SYTL5: variants seen among roughly 807,000 people sequenced by gnomAD.
The protein encoded by SYTL5 is synaptotagmin like 5, also known as synaptotagmin-like protein 5.
In SYTL5, 34 loss-of-function variants were observed where a neutral mutation model predicts 55.9. That is an observed-to-expected ratio of 0.61 (90% confidence interval 0.46 to 0.81). SYTL5 has a LOEUF of 0.81. Among genes scored for constraint, SYTL5 ranks in the 30% least tolerant of loss-of-function variants. The probability of loss-of-function intolerance (pLI) is 0.00; values close to 1 mark genes in which losing one functional copy is unlikely to be tolerated. For missense variants in SYTL5, 637 were observed against 546.7 expected, an observed-to-expected ratio of 1.17 and a Z score of -1.65; for synonymous variants, 221 against 188.7, an observed-to-expected ratio of 1.17 and a Z score of -1.40.
intron 1 of SYTL5, among the ~76,000 whole-genome samples, chrX:38,017,552 C>T (rs1212638743): frequency 9.1e-6 from 1 of 110,119 alleles, no homozygotes; most frequent in Non-Finnish European, 1.9e-5. Flanking sequence ...CAGTCTCTTT[C>T]ATCATCTCAT....
At position 38,089,456 on chromosome X, in the gene SYTL5, G is replaced by A. The variant is rs372772017; in HGVS notation, c.700G>A (p.Gly234Ser). ...TGCTTTCTCATTTAGGGGAAGCACT[G>A]GCTCATCAGATCTCAATGACCAGGA... The part of the protein sequence containing the change: ...SPPGSDRGST[G>S]SSDLNDQEPG... The change falls in exon 7 of 17, where the codon GGC (glycine) becomes AGC (serine). Residue 234 changes from glycine to serine, a missense_variant. Physicochemically the swap from Gly to Ser is moderately conservative, Grantham distance 56. Transcript: ENST00000297875. The A allele has an allele frequency of 1.8e-4, 212 of 1,205,630 alleles. No individual in the cohort carries two copies. Among genetic ancestry groups the A allele is most frequent in the Admixed American group, 3.8e-4 (17 of 45,151 alleles).
At chrX:38,079,439 G>C (rs1321803408) in intron 6 of SYTL5, among the ~76,000 whole-genome samples, 1 of 111,851 alleles carries the variant, frequency 8.9e-6, no homozygotes, top group Non-Finnish European at 1.9e-5. Flanking sequence ...GGTTGCTAGG[G>C]ACTTGACACA....
chrX:37,906,818 A>G, the SYTL5 span, among the ~76,000 whole-genome samples: 2 of 112,080 alleles, frequency 1.8e-5, no homozygotes, highest in East Asian at 5.5e-4. Context: ...TCCAAAGCCT[A>G]TTATTCCCTT....
chrX:37,981,484 A>T, the SYTL5 span, among the ~76,000 whole-genome samples: 1 of 110,094 alleles, frequency 9.1e-6, no homozygotes. Flanking sequence ...TTTTGTGGAG[A>T]TGGGGTTTCT....
the SYTL5 span, among the ~76,000 whole-genome samples, chrX:37,998,712 C>T: frequency 3.6e-5 from 4 of 111,896 alleles, no homozygotes; most frequent in East Asian, 1.1e-3. Flanking sequence ...GGACCGAGCA[C>T]AACTCAGACA....
the SYTL5 span, among the ~76,000 whole-genome samples, chrX:37,977,260 T>C: frequency 9.1e-6 from 1 of 110,267 alleles, no homozygotes; most frequent in Non-Finnish European, 1.9e-5. Flanking sequence ...AGAGAAAATA[T>C]CTGCCTAGAG....
Position 38,054,308 on chromosome X carries a change from G to C in SYTL5, c.215G>C (p.Gly72Ala), listed in dbSNP as rs1486276960. 3.3e-6 allele frequency: 4 copies of C among 1,209,059 alleles called. No homozygotes were observed. The highest frequency in any genetic ancestry group is 4.5e-6 in the Non-Finnish European group (4 of 894,902). ...TGTGTTCACTGTCACAGAAACCTGGGCCTAATCTTTGACCGGGGAGACCCT... is the reference window on the plus strand; with the variant it reads ...TGTGTTCACTGTCACAGAAACCTGGCCCTAATCTTTGACCGGGGAGACCCT... ...RVCVHCHRNL[G>A]LIFDRGDPCQ... Residue 72 changes from glycine (G) to alanine (A), a missense_variant, in exon 3 of 17, where the codon GGC (glycine) becomes GCC (alanine). Transcript: ENST00000297875.
chrX:38,051,626 T>C (rs1325676901), intron 2 of SYTL5, among the ~76,000 whole-genome samples: 1 of 111,929 alleles, frequency 8.9e-6, no homozygotes, highest in Non-Finnish European at 1.9e-5. Flanking sequence ...TCCTCTTCTT[T>C]TACTTCTTTT....
intron 15 of SYTL5, among the ~76,000 whole-genome samples, chrX:38,122,455 A>G (rs1373838066): frequency 8.9e-6 from 1 of 112,385 alleles, no homozygotes; most frequent in African/African-American, 3.2e-5. Flanking sequence ...CTTACTCTCA[A>G]GACAGTCAAC....
the SYTL5 span, chrX:37,990,707 C>T: frequency 3.1e-6 from 3 of 952,925 alleles, no homozygotes; most frequent in African/African-American, 2.0e-5. Context: ...GTCACAAAGG[C>T]AGCTAGCTCC....
At chrX:37,986,848 A>G in the SYTL5 span, among the ~76,000 whole-genome samples, 3 of 111,954 alleles carry the variant, frequency 2.7e-5, no homozygotes, top group African/African-American at 9.7e-5. Context: ...TATTACTATT[A>G]TAACTCATAA....
At chrX:37,934,001 G>A in the SYTL5 span, among the ~76,000 whole-genome samples, 1 of 111,433 alleles carries the variant, frequency 9.0e-6, no homozygotes, top group Non-Finnish European at 1.9e-5. Flanking sequence ...AGCTAACAGA[G>A]TAGAGACTCC....
chrX:37,986,584 C>A, the SYTL5 span, among the ~76,000 whole-genome samples: 4 of 111,985 alleles, frequency 3.6e-5, no homozygotes, highest in African/African-American at 1.3e-4. Flanking sequence ...CTTCTTCTTT[C>A]TTTGGAGGCA....
At chrX:38,120,876 G>A (rs1001903725) in intron 14 of SYTL5, among the ~76,000 whole-genome samples, 1 of 110,945 alleles carries the variant, frequency 9.0e-6, no homozygotes, top group African/African-American at 3.3e-5. Flanking sequence ...AAAATCAGAT[G>A]GAATCAATTT....
intron 7 of SYTL5, among the ~76,000 whole-genome samples, chrX:38,090,152 T>A (rs1223379701): frequency 8.9e-6 from 1 of 112,244 alleles, no homozygotes. Flanking sequence ...AATTGCTATA[T>A]GGCTTAAATA....
chrX:37,904,834 A>G, the SYTL5 span, among the ~76,000 whole-genome samples: 3 of 110,922 alleles, frequency 2.7e-5, no homozygotes, highest in African/African-American at 9.9e-5. Flanking sequence ...AAGTTGAGAA[A>G]ATGGCCCACC....
the SYTL5 span, among the ~76,000 whole-genome samples, chrX:37,918,202 G>A: frequency 2.7e-5 from 3 of 111,798 alleles, no homozygotes; most frequent in Non-Finnish European, 5.6e-5. Flanking sequence ...GGTTGACTAT[G>A]TGACTTGCTT....
the SYTL5 span, among the ~76,000 whole-genome samples, chrX:37,891,954 A>C: frequency 9.0e-6 from 1 of 111,726 alleles, no homozygotes; most frequent in South Asian, 3.7e-4. Context: ...TCCTTGGAAA[A>C]CTAGATGTGG....
At chrX:38,088,024 G>T (rs1936698827) in intron 6 of SYTL5, among the ~76,000 whole-genome samples, 1 of 111,273 alleles carries the variant, frequency 9.0e-6, no homozygotes, top group African/African-American at 3.3e-5. Context: ...GATATTGGGG[G>T]ATGGAAAATG....
Sources: gnomAD v4.1 joint callset for allele counts (sites outside exome capture counted in the v4.1 genomes callset) on GRCh38, gnomAD v4.1.1 for gene constraint, MANE v1.5 for transcripts, NCBI Gene and HGNC (gene_info 2026-07-23, HGNC 2026-07-21) for gene names.